Variants in TFPI observed in about 807,000 individuals in gnomAD.
TFPI encodes tissue factor pathway inhibitor.
TFPI carries 15 observed loss-of-function variants against 34.6 expected under a neutral mutation model. The ratio of observed to expected loss-of-function variants is 0.43; its 90% CI spans 0.29 to 0.67. The LOEUF is 0.67. Ranked by LOEUF, TFPI falls within the 30% of genes least tolerant of loss-of-function variation. TFPI has a pLI of 0.15. For missense variants in TFPI, 301 were observed against 364.0 expected, an observed-to-expected ratio of 0.83 and a Z score of 1.41; for synonymous variants, 105 against 120.1, an observed-to-expected ratio of 0.87 and a Z score of 0.82.
intron 1 of TFPI, among the ~76,000 whole-genome samples, chr2:187,509,924 C>T (rs947374977): frequency 6.6e-6 from 1 of 152,140 alleles, no homozygotes; most frequent in Non-Finnish European, 1.5e-5. Flanking sequence ...TTTATGCCTC[C>T]CCGTTTTAGT....
chr2:187,530,939 A>G (rs774545482), intron 1 of TFPI, among the ~76,000 whole-genome samples: 5 of 152,244 alleles, frequency 3.3e-5, no homozygotes, highest in Non-Finnish European at 7.3e-5. Context: ...TATAATGGGT[A>G]ATGGGCCTCG....
chr2:187,534,877 A>G (rs1688157905), intron 1 of TFPI, among the ~76,000 whole-genome samples: 1 of 151,218 alleles, frequency 6.6e-6, no homozygotes, highest in African/African-American at 2.4e-5. Flanking sequence ...AGGAATATTG[A>G]CCAAGCAAAT....
At chr2:187,535,781 A>G (rs539263701) in intron 1 of TFPI, among the ~76,000 whole-genome samples, 99 of 152,324 alleles carry the variant, frequency 6.5e-4, no homozygotes, top group African/African-American at 2.3e-3. Context: ...TCAAAAAATC[A>G]CTGAATCCAG....
chr2:187,506,091 G>T (rs1188799660), intron 1 of TFPI, among the ~76,000 whole-genome samples: 2 of 152,034 alleles, frequency 1.3e-5, no homozygotes, highest in Admixed American at 1.3e-4. Context: ...CTGGTTCTGG[G>T]TGATAACAGA....
intron 1 of TFPI, among the ~76,000 whole-genome samples, chr2:187,511,914 GGAAAGA>G (rs1032869554): frequency 6.6e-6 from 1 of 151,470 alleles, no homozygotes; most frequent in African/African-American, 2.4e-5. Flanking sequence ...AGGGAGTCAA[GGAAAGA>G]GAGAGAGAGA....
At chr2:187,549,188 C>G (rs143602384) in intron 1 of TFPI, among the ~76,000 whole-genome samples, 1 of 151,918 alleles carries the variant, frequency 6.6e-6, no homozygotes, top group Non-Finnish European at 1.5e-5. Flanking sequence ...ATGTCTACTA[C>G]GTTTTCATTT....
intron 6 of TFPI, among the ~76,000 whole-genome samples, chr2:187,472,300 A>T (rs373451841): frequency 2.6e-5 from 4 of 152,312 alleles, no homozygotes; most frequent in East Asian, 3.9e-4. Context: ...TCAAATGGAC[A>T]TATGGATTAT....
At chr2:187,514,330 G>A (rs1686846385) in intron 1 of TFPI, 1 of 152,200 alleles carries the variant, frequency 6.6e-6, no homozygotes, top group South Asian at 2.1e-4. Flanking sequence ...TTTCCACTAA[G>A]GTGGTCCTCC....
intron 1 of TFPI, among the ~76,000 whole-genome samples, chr2:187,505,698 G>C (rs1438521080): frequency 6.6e-6 from 1 of 152,144 alleles, no homozygotes; most frequent in Admixed American, 6.5e-5. Context: ...GATAGTTTTA[G>C]CATGAAACAA....
intron 1 of TFPI, among the ~76,000 whole-genome samples, chr2:187,538,028 C>A (rs1482433822): frequency 6.6e-6 from 1 of 152,194 alleles, no homozygotes; most frequent in East Asian, 1.9e-4. Context: ...ATCAAATCCA[C>A]AGTGAGATAC....
At chr2:187,533,005 G>A (rs946915742) in intron 1 of TFPI, among the ~76,000 whole-genome samples, 5 of 152,100 alleles carry the variant, frequency 3.3e-5, no homozygotes, top group African/African-American at 1.2e-4. Flanking sequence ...TAGCCAGACT[G>A]CCTCTCTAGA....
chr2:187,499,550 C>G (rs1685710792), intron 2 of TFPI: 1 of 150,860 alleles, frequency 6.6e-6, no homozygotes, highest in South Asian at 2.1e-4. Flanking sequence ...TATGAGAAAC[C>G]AGAAAATTTG....
At chr2:187,516,278 ATAGT>A (rs1686999544) in intron 1 of TFPI, 1 of 152,230 alleles carries the variant, frequency 6.6e-6, no homozygotes, top group African/African-American at 2.4e-5. Flanking sequence ...AGTTGAAGAC[ATAGT>A]TAAAGATATG....
intron 1 of TFPI, among the ~76,000 whole-genome samples, chr2:187,506,590 C>T (rs1172638122): frequency 6.6e-6 from 1 of 152,210 alleles, no homozygotes; most frequent in Non-Finnish European, 1.5e-5. Context: ...CTTAAGTTCC[C>T]TTGGCTGTGA....
intron 6 of TFPI, among the ~76,000 whole-genome samples, chr2:187,474,532 A>G (rs910551876): frequency 2.0e-5 from 3 of 152,164 alleles, no homozygotes; most frequent in Admixed American, 6.5e-5. Flanking sequence ...TGAAAATACA[A>G]GTTCTGATCT....
chr2:187,506,492 G>A (rs995338084), intron 1 of TFPI, among the ~76,000 whole-genome samples: 1 of 152,020 alleles, frequency 6.6e-6, no homozygotes, highest in Non-Finnish European at 1.5e-5. Context: ...AAGTCCATAT[G>A]TTAATCAAAT....
intron 3 of TFPI, among the ~76,000 whole-genome samples, chr2:187,491,261 TA>T (rs1685106396): frequency 6.6e-6 from 1 of 152,026 alleles, no homozygotes; most frequent in Admixed American, 6.6e-5. Context: ...TTATATTGCA[TA>T]GTGGTGAAGT....
chr2:187,473,777 G>A (rs187800301), intron 6 of TFPI, among the ~76,000 whole-genome samples: 2 of 151,014 alleles, frequency 1.3e-5, no homozygotes, highest in African/African-American at 4.9e-5. Flanking sequence ...ACGGGGAAGG[G>A]AATGGAAAAA....
chr2:187,537,118 C>T (rs1399809353), intron 1 of TFPI, among the ~76,000 whole-genome samples: 1 of 152,184 alleles, frequency 6.6e-6, no homozygotes, highest in Non-Finnish European at 1.5e-5. Context: ...AGTTCATGCT[C>T]ATGGATAAGA....
Sources: allele counts gnomAD v4.1 joint callset (sites outside exome capture counted in the v4.1 genomes callset), GRCh38; gene constraint gnomAD v4.1.1; transcripts MANE v1.5; gene names NCBI Gene and HGNC (gene_info 2026-07-23, HGNC 2026-07-21).